The following OSBPL10 variants were observed in gnomAD, a reference collection of about 807,000 sequenced individuals.
OSBPL10 encodes the protein oxysterol binding protein like 10.
In OSBPL10, 49 loss-of-function variants were observed where a neutral mutation model predicts 81.7. The observed-to-expected ratio is 0.60, with a 90% confidence interval of 0.48 to 0.76. The LOEUF (loss-of-function observed/expected upper bound fraction) is 0.76, where lower values mean the gene tolerates loss of function less well. Among genes scored for constraint, OSBPL10 ranks in the 30% least tolerant of loss-of-function variants. OSBPL10 has a pLI of 0.00. For synonymous variants in OSBPL10, 419 were observed against 383.6 expected (o/e 1.09, Z -1.08); for missense variants, 923 against 987.8 (o/e 0.93, Z 0.88).
intron 1 of OSBPL10, among the ~76,000 whole-genome samples, chr3:31,957,427 A>G (rs1334105524): frequency 6.6e-6 from 1 of 152,176 alleles, no homozygotes; most frequent in Non-Finnish European, 1.5e-5. Flanking sequence ...GGCGAACACC[A>G]TTTTTAGTCA....
upstream of OSBPL10, among the ~76,000 whole-genome samples, chr3:31,982,445 C>T (rs1020177801): frequency 2.0e-5 from 3 of 152,136 alleles, no homozygotes; most frequent in African/African-American, 7.2e-5. Flanking sequence ...CAGATAAATA[C>T]TTCAAGAGTT....
chr3:31,915,568 G>GGACA (rs1696730105), intron 1 of OSBPL10, among the ~76,000 whole-genome samples: 1 of 152,106 alleles, frequency 6.6e-6, no homozygotes, highest in Non-Finnish European at 1.5e-5. Context: ...GGGTACTAAT[G>GGACA]GACATAATGG....
intron 4 of OSBPL10, among the ~76,000 whole-genome samples, chr3:31,812,273 C>A (rs567426545): frequency 3.9e-5 from 6 of 152,236 alleles, no homozygotes; most frequent in Non-Finnish European, 8.8e-5. Context: ...CTCAGGTGAT[C>A]CCCCTGCCTC....
At chr3:31,996,245 T>TTC (rs1308900376) in intron 2 of OSBPL10, among the ~76,000 whole-genome samples, 1 of 152,226 alleles carries the variant, frequency 6.6e-6, no homozygotes, top group African/African-American at 2.4e-5. Context: ...TACAATTCAA[T>TTC]GTTCCTGTAA....
chr3:32,026,056 A>ATAGATGATAGATAGATAGATAGATGAT (rs1553649783), intron 2 of OSBPL10, among the ~76,000 whole-genome samples: 204 of 104,338 alleles, frequency 2.0e-3, no homozygotes, highest in African/African-American at 7.8e-3. Context: ...AGATAGATAG[A>ATAGATGATAGATAGATAGATAGATGAT]TGATAGATAG....
At chr3:31,832,371 T>C (rs79380446) in intron 3 of OSBPL10, among the ~76,000 whole-genome samples, 28,125 of 152,200 alleles carry the variant, frequency 0.18, 2,761 homozygotes, top group Middle Eastern at 0.23. Context: ...GTATTCCCTA[T>C]TGAAAACATT....
At chr3:31,947,296 C>T (rs551568466) in intron 1 of OSBPL10, among the ~76,000 whole-genome samples, 5 of 152,154 alleles carry the variant, frequency 3.3e-5, no homozygotes, top group Non-Finnish European at 7.4e-5. Flanking sequence ...GGTCAACCCT[C>T]GGCCCAGGCT....
chr3:31,716,359 T>C (rs1239063977), intron 6 of OSBPL10, among the ~76,000 whole-genome samples: 1 of 152,218 alleles, frequency 6.6e-6, no homozygotes, highest in Non-Finnish European at 1.5e-5. Flanking sequence ...TATAATGACA[T>C]TATTGTACAA....
intron 3 of OSBPL10, among the ~76,000 whole-genome samples, chr3:31,860,867 T>TG (rs1559495645): frequency 1.6e-4 from 21 of 133,332 alleles, no homozygotes; most frequent in African/African-American, 7.5e-4. Flanking sequence ...GTTTTTTTTT[T>TG]TGGGTTTTTT....
chr3:31,677,855 G>C (rs1443163604), intron 8 of OSBPL10, among the ~76,000 whole-genome samples: 2 of 149,796 alleles, frequency 1.3e-5, no homozygotes, highest in African/African-American at 5.1e-5. Context: ...GCCGAGGCGG[G>C]TGGATCATGA....
intron 1 of OSBPL10, among the ~76,000 whole-genome samples, chr3:31,925,929 A>G (rs1697060468): frequency 6.6e-6 from 1 of 152,232 alleles, no homozygotes; most frequent in Non-Finnish European, 1.5e-5. Flanking sequence ...TATGAAGGCC[A>G]CTGCAGTTCA....
chr3:31,885,740 T>C lies in OSBPL10; in HGVS notation c.282-5910A>G, dbSNP rs1695715534. Among the ~76,000 whole-genome samples, 4 of 149,954 alleles carry C rather than the reference T, an allele frequency of 2.7e-5. No homozygotes were observed. The South Asian group carries it at 8.4e-4, about 32-fold the overall frequency. ...GCTCATGCCTATAATCCCAGCACTT[T>C]GGGAGTCTGAGATGGGTGCATCACC... On this transcript the variant is annotated intron_variant, in intron 1 of 11. Transcript: ENST00000396556.
intron 1 of OSBPL10, among the ~76,000 whole-genome samples, chr3:31,936,711 G>A (rs1575046010): frequency 2.6e-5 from 4 of 152,092 alleles, no homozygotes; most frequent in Admixed American, 6.6e-5. Context: ...AATTAAATAG[G>A]TCAAATACAT....
chr3:31,698,539 AAAC>A (rs1477279034), intron 7 of OSBPL10, among the ~76,000 whole-genome samples: 9 of 152,096 alleles, frequency 5.9e-5, no homozygotes, highest in African/African-American at 2.2e-4. Context: ...ATATCACTCA[AAAC>A]AACATCCTGA....
chr3:32,023,897 CAAT>C (rs1415776085), intron 2 of OSBPL10, among the ~76,000 whole-genome samples: 4 of 152,032 alleles, frequency 2.6e-5, no homozygotes, highest in African/African-American at 9.7e-5. Flanking sequence ...AGACTAACAA[CAAT>C]AATAATAAGT....
intron 8 of OSBPL10, among the ~76,000 whole-genome samples, chr3:31,678,782 C>CTG (rs67616509): frequency 0.074 from 10,015 of 135,486 alleles, 434 homozygotes; most frequent in East Asian, 0.11. Flanking sequence ...CAGATTCAAA[C>CTG]TGTGTGTGTG....
intron 4 of OSBPL10, among the ~76,000 whole-genome samples, chr3:31,786,438 T>C (rs1400585702): frequency 7.9e-5 from 12 of 152,232 alleles, no homozygotes; most frequent in Admixed American, 7.9e-4. Flanking sequence ...AGTAGAAATT[T>C]ACTTTCTCAG....
At chr3:31,805,816 G>T (rs1392402129) in intron 4 of OSBPL10, among the ~76,000 whole-genome samples, 3 of 152,008 alleles carry the variant, frequency 2.0e-5, no homozygotes, top group Non-Finnish European at 4.4e-5. Flanking sequence ...AACAAGAAGG[G>T]AAGAACAGCT....
intron 3 of OSBPL10, among the ~76,000 whole-genome samples, chr3:31,868,783 T>C (rs1264409790): frequency 6.6e-6 from 1 of 152,222 alleles, no homozygotes; most frequent in African/African-American, 2.4e-5. Context: ...ATCACTTGAC[T>C]TTTGTTCTTT....
Sources: allele counts gnomAD v4.1 joint callset (sites outside exome capture counted in the v4.1 genomes callset), GRCh38; gene constraint gnomAD v4.1.1; transcripts MANE v1.5; gene names NCBI Gene and HGNC (gene_info 2026-07-23, HGNC 2026-07-21).